MYT1L: variants seen among roughly 807,000 people sequenced by gnomAD.
MYT1L encodes myelin transcription factor 1-like protein.
MYT1L carries 12 observed loss-of-function variants against 126.7 expected under a neutral mutation model. The ratio of observed to expected loss-of-function variants is 0.09; its 90% CI spans 0.06 to 0.15. MYT1L has a LOEUF of 0.15. Among genes scored for constraint, MYT1L ranks in the 10% least tolerant of loss-of-function variants. The pLI is 1.00. For synonymous variants in MYT1L, 541 were observed against 604.2 expected (o/e 0.90, Z 1.53); for missense variants, 979 against 1,585.2 (o/e 0.62, Z 6.49).
At chr2:2,242,610 T>C (rs2094460104) in intron 2 of MYT1L, among the ~76,000 whole-genome samples, 1 of 152,220 alleles carries the variant, frequency 6.6e-6, no homozygotes, top group Admixed American at 6.5e-5. Flanking sequence ...CTTGGAATAC[T>C]GTGGGCATTT....
At chr2:2,017,529 G>C (rs545196567) in intron 4 of MYT1L, among the ~76,000 whole-genome samples, 1 of 152,282 alleles carries the variant, frequency 6.6e-6, no homozygotes, top group East Asian at 1.9e-4. Context: ...TGTGGTGTCT[G>C]GGTGAATTAC....
chr2:2,055,494 T>C (rs184788790), intron 3 of MYT1L, among the ~76,000 whole-genome samples: 287 of 152,378 alleles, frequency 1.9e-3, no homozygotes, highest in Non-Finnish European at 3.1e-3. Context: ...TTAATGTTTA[T>C]ATAGTAGGCA....
At chr2:2,140,204 A>C (rs1358534333) in intron 3 of MYT1L, among the ~76,000 whole-genome samples, 1 of 152,176 alleles carries the variant, frequency 6.6e-6, no homozygotes, top group Non-Finnish European at 1.5e-5. Flanking sequence ...TTAAATGTAA[A>C]ATCATCTCAA....
At chr2:2,137,906 C>T (rs370306013) in intron 3 of MYT1L, among the ~76,000 whole-genome samples, 4 of 151,950 alleles carry the variant, frequency 2.6e-5, no homozygotes, top group African/African-American at 7.3e-5. Context: ...ACAGGCAACC[C>T]ACAAAATGGG....
intron 4 of MYT1L, among the ~76,000 whole-genome samples, chr2:2,042,187 T>G (rs1010148814): frequency 9.8e-5 from 15 of 152,322 alleles, no homozygotes; most frequent in Non-Finnish European, 1.6e-4. Flanking sequence ...TCCAGATGAT[T>G]CTGCCCATCT....
Position 2,119,282 on chromosome 2 carries a change from G to A in MYT1L, c.-304+53590C>T, listed in dbSNP as rs192508570. Among the ~76,000 whole-genome samples the A allele has an allele frequency of 2.3e-3, 356 of 152,278 alleles. 1 individual carries two copies. Among genetic ancestry groups the A allele is most frequent in the African/African-American group, 7.7e-3 (319 of 41,574 alleles). On this transcript the variant is annotated intron_variant, in intron 3 of 24. Coordinates refer to ENST00000647738, the MANE Select transcript of MYT1L (RefSeq NM_001303052.2). ...ATAATATATTGCTTTAAAAATTACA[G>A]AGTGCTTTTACCTACATAAATAGGC...
At position 2,224,154 on chromosome 2, in the gene MYT1L, G is replaced by A. The variant is rs185543054; in HGVS notation, c.-420-51166C>T. Among the ~76,000 whole-genome samples the A allele has an allele frequency of 1.3e-5, 2 of 152,302 alleles. No individual in the cohort carries two copies. Among genetic ancestry groups the A allele is most frequent in the African/African-American group, 4.8e-5 (2 of 41,574 alleles). On this transcript the variant is annotated intron_variant, in intron 2 of 24. Transcript: ENST00000647738. This position sits in a 1 kb window ranked among gnomAD's most constrained non-coding sequence, Gnocchi z 4.0. ...GAGGGCATAACCCCACTTCCAGTGA[G>A]CCTTTGGTCAATTTGTATGTGAACA...
chr2:2,042,288 A>G (rs1478407190), intron 4 of MYT1L, among the ~76,000 whole-genome samples: 2 of 152,178 alleles, frequency 1.3e-5, no homozygotes, highest in African/African-American at 4.8e-5. Flanking sequence ...TGCATTTTCA[A>G]CTATGAGATT....
At chr2:2,020,350 G>A (rs1477762206) in intron 4 of MYT1L, among the ~76,000 whole-genome samples, 1 of 152,184 alleles carries the variant, frequency 6.6e-6, no homozygotes, top group Admixed American at 6.5e-5. Flanking sequence ...CTCAAGGGTA[G>A]AGATTTATTT....
intron 4 of MYT1L, among the ~76,000 whole-genome samples, chr2:2,049,651 T>C (rs1194638468): frequency 6.6e-6 from 1 of 152,148 alleles, no homozygotes; most frequent in East Asian, 1.9e-4. Context: ...TTCCCACATG[T>C]TGTGGGAGGG....
intron 13 of MYT1L, among the ~76,000 whole-genome samples, chr2:1,908,164 G>C (rs990194879): frequency 6.6e-6 from 1 of 152,258 alleles, no homozygotes; most frequent in African/African-American, 2.4e-5. Context: ...GGTTTTCTTT[G>C]CACCAATCCA....
chr2:2,095,673 C>T (rs1031844339), intron 3 of MYT1L, among the ~76,000 whole-genome samples: 2 of 152,106 alleles, frequency 1.3e-5, no homozygotes, highest in Admixed American at 1.3e-4. Flanking sequence ...CTTCTCTCTG[C>T]AATCTATGGG....
chr2:2,268,517 T>C (rs1469847297), intron 2 of MYT1L, among the ~76,000 whole-genome samples: 1 of 152,160 alleles, frequency 6.6e-6, no homozygotes, highest in African/African-American at 2.4e-5. Context: ...TAGTAATACG[T>C]ATAACAAAAG....
At chr2:2,284,177 T>C (rs117037255) in intron 2 of MYT1L, among the ~76,000 whole-genome samples, 1 of 152,284 alleles carries the variant, frequency 6.6e-6, no homozygotes, top group East Asian at 1.9e-4. Flanking sequence ...TATAAAGATA[T>C]AAGAAAAAGT....
intron 10 of MYT1L, among the ~76,000 whole-genome samples, chr2:1,921,869 A>G (rs1404002239): frequency 1.3e-5 from 2 of 152,128 alleles, no homozygotes; most frequent in African/African-American, 4.8e-5. Flanking sequence ...CATTTCCCCA[A>G]TCCAATTTAT....
chr2:2,078,445 C>T (rs866702848), intron 3 of MYT1L, among the ~76,000 whole-genome samples: 17 of 152,018 alleles, frequency 1.1e-4, no homozygotes, highest in Admixed American at 6.5e-4. Flanking sequence ...CTCTAGAAAA[C>T]GCACTTTGAA....
chr2:1,820,923 T>C (rs1420766405), intron 21 of MYT1L, among the ~76,000 whole-genome samples: 2 of 146,430 alleles, frequency 1.4e-5, no homozygotes, highest in Non-Finnish European at 1.5e-5. Context: ...ACCTTAAGAA[T>C]ATAACTAAGG....
intron 19 of MYT1L, among the ~76,000 whole-genome samples, chr2:1,843,254 T>C (rs1418047249): frequency 6.6e-6 from 1 of 152,228 alleles, no homozygotes; most frequent in Non-Finnish European, 1.5e-5. Flanking sequence ...TTCTCTCCTC[T>C]ACAGGCTCCT....
In MYT1L at chr2:2,290,150, T is replaced by A. The variant is rs532205728; in HGVS notation, c.-520-5647A>T. Among the ~76,000 whole-genome samples the A allele has an allele frequency of 4.6e-5, 7 of 152,258 alleles. No individual in the cohort carries two copies. In the South Asian group the frequency reaches 6.2e-4, roughly 14 times the overall value. ...ATGGGCAGAGAAGCAGTAGAGAAAG[T>A]TAGAATTTCTAGATTGAGGTCTAGA... On this transcript the variant is annotated intron_variant, in intron 1 of 24. Transcript: ENST00000647738.
Sources: allele counts gnomAD v4.1 joint callset (sites outside exome capture counted in the v4.1 genomes callset), GRCh38; gene constraint gnomAD v4.1.1; non-coding constraint Gnocchi (gnomAD v3.1); transcripts MANE v1.5; gene names NCBI Gene and HGNC (gene_info 2026-07-23, HGNC 2026-07-21).